WDR3: variants seen among roughly 807,000 people sequenced by gnomAD.
The protein encoded by WDR3 is WD repeat-containing protein 3.
A neutral mutation model predicts 123.7 loss-of-function variants in WDR3; 81 were observed. The observed-to-expected ratio is 0.65, with a 90% CI of 0.55 to 0.79. The LOEUF is 0.79. Ranked by LOEUF, WDR3 falls within the 30% of genes least tolerant of loss-of-function variation. The probability of loss-of-function intolerance (pLI) is 0.00; values close to 1 mark genes in which losing one functional copy is unlikely to be tolerated. For missense variants in WDR3, 1,027 were observed against 1,123.2 expected (o/e 0.91, Z 1.22); for synonymous variants, 390 against 388.8 (o/e 1.00, Z -0.04).
intron 15 of WDR3, among the ~76,000 whole-genome samples, chr1:117,950,397 T>C (rs150836495): frequency 3.3e-5 from 5 of 152,362 alleles, no homozygotes; most frequent in African/African-American, 1.2e-4. Flanking sequence ...TAAGTAGTTA[T>C]AAGAGCATTG....
intron 13 of WDR3, among the ~76,000 whole-genome samples, 158 bp downstream of exon 13, chr1:117,948,664 A>G (rs534334813): frequency 1.3e-5 from 2 of 149,832 alleles, no homozygotes; most frequent in South Asian, 4.2e-4. Flanking sequence ...ACCTGTCATT[A>G]TGAAATGAAA....
chr1:117,956,041 G>A (rs1184460425), intron 24 of WDR3, among the ~76,000 whole-genome samples: 1 of 152,148 alleles, frequency 6.6e-6, no homozygotes, highest in African/African-American at 2.4e-5. Context: ...CAGTGTGTGA[G>A]CCAAAAGGTA....
chr1:117,954,677 C>G, intron 23 of WDR3, 50 bp downstream of exon 23: 1 of 1,566,632 alleles, frequency 6.4e-7, no homozygotes, highest in Non-Finnish European at 8.7e-7. Context: ...AGGTTACTTA[C>G]AAGGACAAGA....
At position 117,965,316 on chromosome 1, in the gene WDR3, CTCT is replaced by C. The variant is rs1400243276; in HGVS notation, c.*5875_*5877del. On this transcript the variant is annotated 3_prime_UTR_variant, in exon 27 of 27. Transcript: ENST00000349139. ...TAATTGCTGCTTTTGTCTCCACTGGCTCTTCTTCCTCCTGCTCCCTAAACCGAC... is the reference window on the plus strand; with the variant it reads ...TAATTGCTGCTTTTGTCTCCACTGGCTCTTCCTCCTGCTCCCTAAACCGAC... The C allele has an allele frequency of 6.6e-6, 1 of 152,244 alleles. No homozygotes were observed. Among genetic ancestry groups the C allele is most frequent in the South Asian group, 2.1e-4 (1 of 4,836 alleles). 9.4% of individuals were successfully genotyped at this position (152,244 alleles called of 1,614,324 possible).
intron 11 of WDR3, among the ~76,000 whole-genome samples, chr1:117,945,551 A>G (rs1371580380): frequency 6.6e-6 from 1 of 152,136 alleles, no homozygotes; most frequent in Non-Finnish European, 1.5e-5. Flanking sequence ...TATACCAAAT[A>G]TTTAGATATT....
At chr1:117,955,510 C>A in intron 24 of WDR3, 152 bp downstream of exon 24, 1 of 717,686 alleles carries the variant, frequency 1.4e-6, no homozygotes, top group Non-Finnish European at 2.1e-6. Context: ...TTATAATGTT[C>A]TTTTTGAAGT....
At position 117,959,464 on chromosome 1, in the gene WDR3, CT is replaced by C. The variant is rs749151249; in HGVS notation, c.*28del. The stretch of plus-strand genomic sequence containing the variant: ...TTGACTTAGAACTGAAATGTGGTAT[CT>C]TTTTTTTTTTCAACTTTTTCCTTTA... On this transcript the variant is annotated 3_prime_UTR_variant, in exon 27 of 27. Coordinates refer to ENST00000349139, the MANE Select transcript of WDR3 (RefSeq NM_006784.3). 0.01 allele frequency: 11,530 copies of C among 1,147,190 alleles called. 19 individuals are homozygous for C. The highest frequency in any genetic ancestry group is 0.031 in the African/African-American group (1,951 of 62,082). 71.1% of individuals were successfully genotyped at this position (1,147,190 alleles called of 1,614,324 possible).
intron 5 of WDR3, among the ~76,000 whole-genome samples, chr1:117,938,860 G>A (rs536133955): frequency 6.6e-6 from 1 of 152,242 alleles, no homozygotes; most frequent in African/African-American, 2.4e-5. Context: ...TATATGTGCA[G>A]CACCTAGCTT....
rs17037769 is a variant in WDR3 at position 117,959,933 on chromosome 1, G to C, written c.*486G>C. ...TGTCATGGATCTTAGAGCTAAAAAG[G>C]ACTGTAAAAATTACCCAGAACAGCG... On this transcript the variant is annotated 3_prime_UTR_variant, in exon 27 of 27. Coordinates refer to ENST00000349139, the MANE Select transcript of WDR3 (RefSeq NM_006784.3). 2,889 of 152,400 alleles carry C rather than the reference G, an allele frequency of 0.019. 81 individuals carry two copies. The highest frequency in any genetic ancestry group is 0.12 in the South Asian group (583 of 4,828). 9.4% of individuals were successfully genotyped at this position (152,400 alleles called of 1,614,324 possible). A position where few individuals can be genotyped will look rare whatever the true frequency, so the allele number is the denominator to read the frequency against.
chr1:117,941,195 C>A lies in WDR3; in HGVS notation c.861C>A (p.Val287=), dbSNP rs200985738. The change falls in exon 8 of 27, where the codon GTC becomes GTA. Residue 287 remains valine (V), a synonymous_variant. Transcript: ENST00000349139. ...GAGACAGAGTTGTAAACCTTGCAGT[C>A]GACAAGACAGGCAGGATTCTTGCTT... is the stretch of plus-strand genomic sequence containing the variant. ...EGRDRVVNLA[V]DKTGRILACH... 5.6e-6 allele frequency: 9 copies of A among 1,614,014 alleles called. No homozygotes were observed. In the Admixed American group the frequency reaches 1.3e-4, roughly 24 times the overall value.
intron 12 of WDR3, among the ~76,000 whole-genome samples, chr1:117,946,535 A>G (rs1335352036): frequency 6.6e-6 from 1 of 152,222 alleles, no homozygotes; most frequent in East Asian, 1.9e-4. Flanking sequence ...AGACAGAAGC[A>G]TTCAGTAAAG....
At chr1:117,939,108 A>G (rs1216423076) in intron 5 of WDR3, among the ~76,000 whole-genome samples, 1 of 152,252 alleles carries the variant, frequency 6.6e-6, no homozygotes, top group Admixed American at 6.5e-5. Context: ...AAGTTATGCA[A>G]TGGACATTAG....
At chr1:117,941,396 T>G (rs1422102570) in intron 8 of WDR3, among the ~76,000 whole-genome samples, 171 bp downstream of exon 8, 1 of 152,220 alleles carries the variant, frequency 6.6e-6, no homozygotes, top group East Asian at 1.9e-4. Flanking sequence ...AACAAAAATA[T>G]TAATAATTAC....
chr1:117,942,426 C>T lies in WDR3; in HGVS notation c.990-11C>T. 1 of 1,609,108 alleles carries T rather than the reference C, an allele frequency of 6.2e-7. No individual in the cohort carries two copies. The highest frequency in any genetic ancestry group is 1.7e-5 in the Admixed American group (1 of 59,654). The stretch of plus-strand genomic sequence containing the variant: ...AATAAGAGCATGATATACTTTTCTT[C>T]TTCCCTCTAGATTACATTCTAGCAA... On this transcript the variant is annotated splice_polypyrimidine_tract_variant and intron_variant, in intron 9 of 26. Transcript: ENST00000349139.
chr1:117,951,715 T>TA (rs1364852130), intron 16 of WDR3, among the ~76,000 whole-genome samples: 1 of 152,132 alleles, frequency 6.6e-6, no homozygotes, highest in Non-Finnish European at 1.5e-5. Context: ...AGTAAATAGA[T>TA]AACCCTATGT....
In WDR3 at chr1:117,942,468, C is replaced by G; in HGVS notation, c.1021C>G (p.Pro341Ala). Residue 341 changes from proline (P) to alanine (A), a missense_variant, in exon 10 of 27, where the codon CCT becomes GCT. Coordinates refer to ENST00000349139, the MANE Select transcript of WDR3 (RefSeq NM_006784.3). Reference protein sequence around the residue: ...LHSSKGEEEDPEVNVEMSLQD... With the variant: ...LHSSKGEEEDAEVNVEMSLQD... The stretch of plus-strand genomic sequence containing the variant: ...TTCTAGCAAAGGAGAGGAGGAAGAT[C>G]CTGAGGTTAATGTTGAAATGAGTCT... 6.2e-6 allele frequency: 10 copies of G among 1,613,910 alleles called. No homozygotes were observed. Among genetic ancestry groups the G allele is most frequent in the African/African-American group, 1.3e-5 (1 of 75,008 alleles).
In WDR3 at chr1:117,960,107, C is replaced by T. The variant is rs1345859953; in HGVS notation, c.*660C>T. 1 of 110,774 alleles carries T rather than the reference C, an allele frequency of 9.0e-6. No homozygotes were observed. Among genetic ancestry groups the T allele is most frequent in the East Asian group, 2.6e-4 (1 of 3,800 alleles). 6.9% of individuals were successfully genotyped at this position (110,774 alleles called of 1,614,324 possible). A position where few individuals can be genotyped will look rare whatever the true frequency, so the allele number is the denominator to read the frequency against. ...GCTGGGCTTCTGAGGAATTAATACACTCGTGTGTGTGTGTGTGTGTGTGTG... is the reference window on the plus strand; with the variant it reads ...GCTGGGCTTCTGAGGAATTAATACATTCGTGTGTGTGTGTGTGTGTGTGTG... On this transcript the variant is annotated 3_prime_UTR_variant, in exon 27 of 27. Coordinates refer to ENST00000349139, the MANE Select transcript of WDR3 (RefSeq NM_006784.3).
chr1:117,952,288 A>G lies in WDR3; in HGVS notation c.1905-9A>G. On this transcript the variant is annotated splice_polypyrimidine_tract_variant and intron_variant, in intron 17 of 26. Coordinates refer to ENST00000349139, the MANE Select transcript of WDR3 (RefSeq NM_006784.3). ...TTGATGACATTTTAATATTTCTGTCACTTTTCAGTGTGATGTACCTACAGT... is the reference window on the plus strand; with the variant it reads ...TTGATGACATTTTAATATTTCTGTCGCTTTTCAGTGTGATGTACCTACAGT... 6.3e-7 allele frequency: 1 copy of G among 1,598,298 alleles called. No individual in the cohort carries two copies. The highest frequency in any genetic ancestry group is 8.5e-7 in the Non-Finnish European group (1 of 1,171,522).
intron 8 of WDR3, among the ~76,000 whole-genome samples, 171 bp downstream of exon 8, chr1:117,941,396 TTAA>T (rs1166480333): frequency 6.6e-6 from 1 of 152,220 alleles, no homozygotes; most frequent in African/African-American, 2.4e-5. Flanking sequence ...AACAAAAATA[TTAA>T]TAATTACTAT....
Sources: allele counts gnomAD v4.1 joint callset (sites outside exome capture counted in the v4.1 genomes callset), GRCh38; gene constraint gnomAD v4.1.1; transcripts MANE v1.5; gene names NCBI Gene and HGNC (gene_info 2026-07-23, HGNC 2026-07-21).